The following PRR16 variants were observed in gnomAD, a reference collection of about 807,000 sequenced individuals.
PRR16 encodes the protein protein Largen.
A neutral mutation model predicts 18.2 loss-of-function variants in PRR16; 6 were observed. The observed-to-expected ratio is 0.33, with a 90% CI of 0.18 to 0.65. The LOEUF is 0.65. Ranked by LOEUF, PRR16 falls within the 30% of genes least tolerant of loss-of-function variation. The pLI is 0.74. For missense variants in PRR16, 412 were observed against 376.6 expected (o/e 1.09, Z -0.78); for synonymous variants, 151 against 147.8 (o/e 1.02, Z -0.16).
At chr5:120,546,039 A>C (rs1327541877) in intron 1 of PRR16, among the ~76,000 whole-genome samples, 1 of 152,132 alleles carries the variant, frequency 6.6e-6, no homozygotes, top group Non-Finnish European at 1.5e-5. Flanking sequence ...ATTTTCATAC[A>C]TTATTAATTC....
At chr5:120,556,100 CTT>C (rs889306545) in intron 1 of PRR16, among the ~76,000 whole-genome samples, 1 of 147,602 alleles carries the variant, frequency 6.8e-6, no homozygotes, top group African/African-American at 2.5e-5. Context: ...CTCAACTCTC[CTT>C]TTTTTTTTCC....
chr5:120,518,534 T>G (rs1181895036), intron 1 of PRR16, among the ~76,000 whole-genome samples: 3 of 151,880 alleles, frequency 2.0e-5, no homozygotes, highest in Non-Finnish European at 2.9e-5. Flanking sequence ...AAATTGTGTT[T>G]GTGAGTTGAA....
At chr5:120,775,286 C>A in the PRR16 span, among the ~76,000 whole-genome samples, 5 of 152,060 alleles carry the variant, frequency 3.3e-5, no homozygotes, top group Non-Finnish European at 7.4e-5. Flanking sequence ...CCATAACCTC[C>A]TCTTTGTCCT....
At chr5:120,588,778 A>G (rs1753535985) in intron 1 of PRR16, among the ~76,000 whole-genome samples, 1 of 151,352 alleles carries the variant, frequency 6.6e-6, no homozygotes, top group South Asian at 2.1e-4. Flanking sequence ...CATTGAATGT[A>G]GAGCACAAAT....
intron 1 of PRR16, among the ~76,000 whole-genome samples, chr5:120,576,915 TTC>T (rs1214025183): frequency 6.6e-6 from 1 of 151,904 alleles, no homozygotes. Context: ...TCTACGTGCT[TTC>T]TCTCTCTCTC....
chr5:120,781,690 C>T, the PRR16 span, among the ~76,000 whole-genome samples: 5 of 149,152 alleles, frequency 3.4e-5, no homozygotes, highest in African/African-American at 1.2e-4. Context: ...TTCTCAACCC[C>T]GTCAATATAC....
chr5:120,575,616 T>C (rs1213307973), intron 1 of PRR16, among the ~76,000 whole-genome samples: 5 of 152,014 alleles, frequency 3.3e-5, no homozygotes, highest in Admixed American at 3.3e-4. Flanking sequence ...TCTTTTATGA[T>C]AAAAACTCAA....
At chr5:120,642,866 T>A (rs911986063) in intron 1 of PRR16, among the ~76,000 whole-genome samples, 2 of 152,128 alleles carry the variant, frequency 1.3e-5, no homozygotes, top group African/African-American at 4.8e-5. Context: ...TATTGTTTTG[T>A]AACTCTGTCT....
intron 1 of PRR16, among the ~76,000 whole-genome samples, chr5:120,479,469 A>G (rs1749542596): frequency 6.6e-6 from 1 of 152,160 alleles, no homozygotes; most frequent in Admixed American, 6.6e-5. Flanking sequence ...TACCGGAATA[A>G]CCACTACTGG....
At chr5:120,659,600 G>A (rs1196239211) in intron 1 of PRR16, among the ~76,000 whole-genome samples, 2 of 151,912 alleles carry the variant, frequency 1.3e-5, no homozygotes, top group African/African-American at 4.8e-5. Flanking sequence ...TAGCTATTTT[G>A]AAATATACAG....
At chr5:120,514,855 T>A (rs1323712058) in intron 1 of PRR16, among the ~76,000 whole-genome samples, 1 of 152,216 alleles carries the variant, frequency 6.6e-6, no homozygotes, top group Non-Finnish European at 1.5e-5. Flanking sequence ...ATGCTCTGTT[T>A]ATGGCAATTT....
intron 1 of PRR16, among the ~76,000 whole-genome samples, chr5:120,490,551 G>C (rs972342769): frequency 7.2e-5 from 11 of 152,152 alleles, no homozygotes; most frequent in African/African-American, 2.6e-4. Flanking sequence ...TTAGCCATTC[G>C]TCTAATCTTT....
At chr5:120,749,323 A>G in the PRR16 span, among the ~76,000 whole-genome samples, 1 of 152,148 alleles carries the variant, frequency 6.6e-6, no homozygotes, top group Non-Finnish European at 1.5e-5. Context: ...ACTTGAAATT[A>G]TATCAAGTAA....
intron 1 of PRR16, among the ~76,000 whole-genome samples, chr5:120,539,628 G>A (rs1751844060): frequency 6.6e-6 from 1 of 151,856 alleles, no homozygotes; most frequent in African/African-American, 2.4e-5. Context: ...ATTTACCCAT[G>A]TAACAAACCT....
chr5:120,639,056 A>G (rs1022869094), intron 1 of PRR16, among the ~76,000 whole-genome samples: 8 of 152,066 alleles, frequency 5.3e-5, no homozygotes, highest in African/African-American at 1.9e-4. Context: ...GTATGTAGTG[A>G]CTTAATATAG....
chr5:120,674,878 G>A (rs1756741844), intron 1 of PRR16, among the ~76,000 whole-genome samples: 1 of 151,044 alleles, frequency 6.6e-6, no homozygotes, highest in African/African-American at 2.4e-5. Flanking sequence ...TTATTTTTAA[G>A]CCATTAATAT....
At chr5:120,780,662 C>A in the PRR16 span, among the ~76,000 whole-genome samples, 1 of 152,106 alleles carries the variant, frequency 6.6e-6, no homozygotes, top group Non-Finnish European at 1.5e-5. Context: ...AGCTTTTCAA[C>A]GTTTTTTTAC....
At chr5:120,654,308 G>C (rs1239862194) in intron 1 of PRR16, among the ~76,000 whole-genome samples, 1 of 151,824 alleles carries the variant, frequency 6.6e-6, no homozygotes, top group Non-Finnish European at 1.5e-5. Flanking sequence ...CTTTTATTTT[G>C]AGTATTGAAT....
intron 1 of PRR16, among the ~76,000 whole-genome samples, chr5:120,600,674 G>A (rs1302428764): frequency 3.3e-5 from 5 of 151,866 alleles, no homozygotes; most frequent in South Asian, 2.1e-4. Flanking sequence ...TTCATCACCC[G>A]GATAGTGAGC....
Sources: allele counts gnomAD v4.1 joint callset (sites outside exome capture counted in the v4.1 genomes callset), GRCh38; gene constraint gnomAD v4.1.1; transcripts MANE v1.5; gene names NCBI Gene and HGNC (gene_info 2026-07-23, HGNC 2026-07-21).